Variants in CFAP53 observed in about 807,000 individuals in gnomAD.
CFAP53 encodes the protein cilia- and flagella-associated protein 53.
A neutral mutation model predicts 59.7 loss-of-function variants in CFAP53; 62 were observed. The ratio of observed to expected loss-of-function variants is 1.04; its 90% CI spans 0.85 to 1.28. The LOEUF (loss-of-function observed/expected upper bound fraction) is 1.28, where lower values mean the gene tolerates loss of function less well. CFAP53 is among the 50% of genes most tolerant of loss of function. CFAP53 has a pLI of 0.00. For missense variants in CFAP53, 629 were observed against 615.6 expected (o/e 1.02, Z -0.23); for synonymous variants, 218 against 205.7 (o/e 1.06, Z -0.51).
intron 7 of CFAP53, among the ~76,000 whole-genome samples, chr18:50,234,048 T>C (rs146025854): frequency 1.3e-5 from 2 of 152,202 alleles, no homozygotes; most frequent in Non-Finnish European, 2.9e-5. Flanking sequence ...CACCTCTGCA[T>C]CAGAAACTCC....
rs762680953 is a variant in CFAP53 at position 50,261,102 on chromosome 18, CCT to C, written c.433_434del (p.Arg145AlafsTer6). 2 of 1,600,932 alleles carry C rather than the reference CCT, an allele frequency of 1.2e-6. No homozygotes were observed. The highest frequency in any genetic ancestry group is 1.2e-5 in the South Asian group (1 of 86,748). On this transcript the variant is annotated frameshift_variant, in exon 3 of 8. Coordinates refer to ENST00000398545, the MANE Select transcript of CFAP53 (RefSeq NM_145020.5). LOFTEE classifies it high-confidence loss of function. ...CTAGCTTTTCAGCCACAAAATCCTGCCTCTCTTTTTCATTCTTCTCTTTTAGT... is the reference window on the plus strand; with the variant it reads ...CTAGCTTTTCAGCCACAAAATCCTGCCTCTTTTTCATTCTTCTCTTTTAGT... Reference protein sequence around the residue: ...KLLKEKNEKERQDFVAEKLDQ... With the variant: ...KLLKEKNEKEXQDFVAEKLDQ...
chr18:50,233,295 A>C (rs1263879447), intron 7 of CFAP53, among the ~76,000 whole-genome samples: 1 of 152,242 alleles, frequency 6.6e-6, no homozygotes, highest in Non-Finnish European at 1.5e-5. Context: ...ATAAATAAAT[A>C]AATCCAACAC....
At chr18:50,242,856 G>T in intron 6 of CFAP53, 44 bp downstream of exon 6, 1 of 1,508,144 alleles carries the variant, frequency 6.6e-7, no homozygotes, top group Non-Finnish European at 9.2e-7. Flanking sequence ...TACTTAAATT[G>T]AATTAAGGGC....
chr18:50,243,167 A>G (rs754520041), intron 5 of CFAP53, 51 bp from the exon 6 acceptor site: 7 of 1,313,986 alleles, frequency 5.3e-6, no homozygotes, highest in Non-Finnish European at 7.6e-6. Flanking sequence ...GTGATACTAT[A>G]GTAAGGATAC....
chr18:50,248,848 C>T (rs2033770669), intron 5 of CFAP53, among the ~76,000 whole-genome samples: 1 of 150,310 alleles, frequency 6.7e-6, no homozygotes, highest in Non-Finnish European at 1.5e-5. Context: ...ATGATTATAG[C>T]AGCTTTACTC....
At chr18:50,230,607 A>G (rs768037949) in intron 7 of CFAP53, among the ~76,000 whole-genome samples, 2 of 151,914 alleles carry the variant, frequency 1.3e-5, no homozygotes, top group Non-Finnish European at 1.5e-5. Context: ...GGTCGTGGGA[A>G]CCCCCAATTT....
At chr18:50,265,386 T>C (rs1599135813) in intron 1 of CFAP53, among the ~76,000 whole-genome samples, 1 of 151,958 alleles carries the variant, frequency 6.6e-6, no homozygotes, top group East Asian at 1.9e-4. Flanking sequence ...TAGACTTGGG[T>C]CCCCTCCCCA....
intron 7 of CFAP53, among the ~76,000 whole-genome samples, chr18:50,232,077 A>G (rs898077183): frequency 1.1e-4 from 16 of 152,188 alleles, no homozygotes; most frequent in African/African-American, 3.6e-4. Context: ...CAAGTTCCTC[A>G]GTAGACCTAA....
intron 6 of CFAP53, among the ~76,000 whole-genome samples, chr18:50,241,448 T>G (rs781734523): frequency 1.3e-5 from 2 of 152,180 alleles, no homozygotes; most frequent in Non-Finnish European, 2.9e-5. Flanking sequence ...AGATTTCTCA[T>G]GATCAAGAGC....
intron 1 of CFAP53, 109 bp downstream of exon 1, chr18:50,266,227 C>A (rs1285472886): frequency 5.0e-6 from 5 of 996,040 alleles, no homozygotes; most frequent in South Asian, 1.3e-5. Context: ...AGGCGACACC[C>A]GTTCCCCTCG....
At chr18:50,242,330 A>G (rs1466511259) in intron 6 of CFAP53, among the ~76,000 whole-genome samples, 1 of 152,250 alleles carries the variant, frequency 6.6e-6, no homozygotes, top group Non-Finnish European at 1.5e-5. Flanking sequence ...AAAGTAAGAC[A>G]GGCATAAGAA....
chr18:50,251,946 C>T lies in CFAP53; in HGVS notation c.474-162G>A, dbSNP rs1446426294. 2.6e-5 allele frequency among the ~76,000 whole-genome samples: 4 copies of T among 152,158 alleles called. No homozygotes were observed. The East Asian group carries it at 7.7e-4, about 29-fold the overall frequency. On this transcript the variant is annotated intron_variant, in intron 3 of 7. Coordinates refer to ENST00000398545, the MANE Select transcript of CFAP53 (RefSeq NM_145020.5). ...AAGAGGGAGCAGCAGGGAGGGCAAG[C>T]ACCAGGATGGCACAGCCTGACTATG... is the stretch of plus-strand genomic sequence containing the variant.
chr18:50,251,797 T>G lies in CFAP53; in HGVS notation c.474-13A>C. On this transcript the variant is annotated splice_polypyrimidine_tract_variant and intron_variant, in intron 3 of 7. Coordinates refer to ENST00000398545, the MANE Select transcript of CFAP53 (RefSeq NM_145020.5). ...CTCACAGCGTTCCCTGAAAGGAAAA[T>G]TTTAAAAAGACAAAACCCAGCCTTT... is the stretch of plus-strand genomic sequence containing the variant. The G allele has an allele frequency of 6.2e-7, 1 of 1,609,440 alleles. No individual in the cohort carries two copies. The highest frequency in any genetic ancestry group is 8.5e-7 in the Non-Finnish European group (1 of 1,177,358).
At chr18:50,236,367 T>A (rs1001317397) in intron 7 of CFAP53, among the ~76,000 whole-genome samples, 3 of 152,224 alleles carry the variant, frequency 2.0e-5, no homozygotes, top group Non-Finnish European at 4.4e-5. Context: ...CCAGCCTAGT[T>A]ATGCGCTTCA....
Position 50,250,939 on chromosome 18 carries a change from TG to T in CFAP53, c.814del (p.Gln272ArgfsTer4), listed in dbSNP as rs779503581. On this transcript the variant is annotated frameshift_variant, in exon 5 of 8. Transcript: ENST00000398545. LOFTEE classifies it high-confidence loss of function. ...TGCCTTCTGTTTCTTTAGCATATCC[TG>T]TTCATTCTCATGTTTAATCTGTGCG... ...NNAQIKHENE[Q>X]DMLKKQKAKQ... is the part of the protein sequence containing the mutation. 6.2e-7 allele frequency: 1 copy of T among 1,614,206 alleles called. No individual in the cohort carries two copies. The highest frequency in any genetic ancestry group is 1.1e-5 in the South Asian group (1 of 91,080).
chr18:50,246,767 C>A (rs2033748790), intron 5 of CFAP53, among the ~76,000 whole-genome samples: 1 of 152,078 alleles, frequency 6.6e-6, no homozygotes, highest in Non-Finnish European at 1.5e-5. Context: ...AACTCTTGGC[C>A]AGGCGTGGTG....
intron 5 of CFAP53, 130 bp downstream of exon 5, chr18:50,250,628 G>A: frequency 1.4e-6 from 1 of 698,848 alleles, no homozygotes; most frequent in South Asian, 1.7e-5. Context: ...CCCAGATGGT[G>A]CTGATGCTGT....
intron 3 of CFAP53, among the ~76,000 whole-genome samples, chr18:50,260,596 G>A (rs2033882005): frequency 6.6e-6 from 1 of 152,108 alleles, no homozygotes; most frequent in Non-Finnish European, 1.5e-5. Flanking sequence ...GGCTCAGGAG[G>A]TGGAGGTTGT....
chr18:50,263,281 G>A (rs1271242075), intron 1 of CFAP53, among the ~76,000 whole-genome samples: 1 of 152,140 alleles, frequency 6.6e-6, no homozygotes, highest in African/African-American at 2.4e-5. Context: ...AGATACTGGG[G>A]TGCTGATTCA....
Sources: allele counts gnomAD v4.1 joint callset (sites outside exome capture counted in the v4.1 genomes callset), GRCh38; gene constraint gnomAD v4.1.1; transcripts MANE v1.5; gene names NCBI Gene and HGNC (gene_info 2026-07-23, HGNC 2026-07-21).